Variants in PAN3 observed in about 807,000 individuals in gnomAD.
PAN3 encodes the protein PAN2-PAN3 deadenylation complex subunit PAN3.
A neutral mutation model predicts 96.2 loss-of-function variants in PAN3; 19 were observed. The ratio of observed to expected loss-of-function variants is 0.20; its 90% confidence interval spans 0.14 to 0.29. PAN3 has a LOEUF of 0.29. Ranked by LOEUF, PAN3 falls within the 10% of genes least tolerant of loss-of-function variation. The pLI is 1.00. For synonymous variants in PAN3, 433 were observed against 406.6 expected, an observed-to-expected ratio of 1.06 and a Z score of -0.78; for missense variants, 882 against 1,108.1, an observed-to-expected ratio of 0.80 and a Z score of 2.90.
chr13:28,190,111 T>C (rs1328904597), intron 4 of PAN3, among the ~76,000 whole-genome samples: 1 of 152,034 alleles, frequency 6.6e-6, no homozygotes, highest in Non-Finnish European at 1.5e-5. Context: ...GCCTGGCTAA[T>C]TTTTGTATTT....
chr13:28,248,297 ATC>A (rs1884399086), intron 6 of PAN3, among the ~76,000 whole-genome samples: 1 of 152,118 alleles, frequency 6.6e-6, no homozygotes, highest in African/African-American at 2.4e-5. Context: ...AAGTTTGTTT[ATC>A]ACTTCTGACA....
chr13:28,211,475 T>C (rs892271570), intron 5 of PAN3, among the ~76,000 whole-genome samples: 23 of 152,320 alleles, frequency 1.5e-4, no homozygotes, highest in Middle Eastern at 3.4e-3. Flanking sequence ...GATTTATCTT[T>C]TTAGGAAAGA....
chr13:28,212,609 G>A (rs973193580), intron 5 of PAN3, among the ~76,000 whole-genome samples: 2 of 152,192 alleles, frequency 1.3e-5, no homozygotes, highest in African/African-American at 4.8e-5. Flanking sequence ...TTAGAGGAAA[G>A]ATTAAACATG....
chr13:28,258,730 C>A (rs1310825663), intron 7 of PAN3, among the ~76,000 whole-genome samples: 1 of 152,092 alleles, frequency 6.6e-6, no homozygotes, highest in Non-Finnish European at 1.5e-5. Context: ...GTATAGTTGC[C>A]ATTTAGTATC....
chr13:28,276,078 G>A (rs2138695853), intron 14 of PAN3, among the ~76,000 whole-genome samples: 1 of 152,220 alleles, frequency 6.6e-6, no homozygotes, highest in Non-Finnish European at 1.5e-5. Context: ...CAAACCAGTG[G>A]TTCTCAATCC....
chr13:28,241,983 A>T (rs1883707231), intron 6 of PAN3, among the ~76,000 whole-genome samples: 1 of 152,162 alleles, frequency 6.6e-6, no homozygotes, highest in African/African-American at 2.4e-5. Context: ...ATTATTGAGG[A>T]TTTAGTTTGG....
intron 6 of PAN3, among the ~76,000 whole-genome samples, chr13:28,239,013 A>C (rs935696881): frequency 6.6e-6 from 1 of 152,134 alleles, no homozygotes; most frequent in Non-Finnish European, 1.5e-5. Context: ...TATTTTATTT[A>C]ACAAGTGAAT....
intron 6 of PAN3, among the ~76,000 whole-genome samples, chr13:28,221,871 C>T (rs1320223950): frequency 6.6e-6 from 1 of 152,138 alleles, no homozygotes; most frequent in Non-Finnish European, 1.5e-5. Flanking sequence ...ACATTGTTTA[C>T]ATGAGCATAA....
intron 6 of PAN3, among the ~76,000 whole-genome samples, chr13:28,230,026 A>G (rs867349869): frequency 2.0e-5 from 3 of 151,944 alleles, no homozygotes; most frequent in Non-Finnish European, 4.4e-5. Flanking sequence ...GCTGAGAGCT[A>G]AGAACACAAA....
At chr13:28,158,277 T>TA (rs1194682377) in intron 1 of PAN3, among the ~76,000 whole-genome samples, 1 of 152,150 alleles carries the variant, frequency 6.6e-6, no homozygotes, top group African/African-American at 2.4e-5. Context: ...ATTCTGGACA[T>TA]ACGCCCCAGC....
intron 1 of PAN3, among the ~76,000 whole-genome samples, chr13:28,155,848 T>G (rs552983108): frequency 1.3e-5 from 2 of 152,262 alleles, no homozygotes; most frequent in Admixed American, 1.3e-4. Context: ...GCATTCTAGG[T>G]AGATGAGAAA....
intron 1 of PAN3, among the ~76,000 whole-genome samples, chr13:28,150,961 A>G (rs1034202208): frequency 6.6e-6 from 1 of 152,196 alleles, no homozygotes; most frequent in Non-Finnish European, 1.5e-5. Context: ...ACTAAAAACA[A>G]AAAGGTAATA....
At chr13:28,282,300 T>C (rs1168148784) in intron 17 of PAN3, among the ~76,000 whole-genome samples, 6 of 151,752 alleles carry the variant, frequency 4.0e-5, no homozygotes, top group East Asian at 1.9e-4. Flanking sequence ...GATTTGTTAA[T>C]AGAGATAGGT....
chr13:28,257,094 A>G (rs890528760), intron 7 of PAN3, among the ~76,000 whole-genome samples: 1 of 152,188 alleles, frequency 6.6e-6, no homozygotes, highest in Non-Finnish European at 1.5e-5. Flanking sequence ...AGATGACGAA[A>G]GAGCTACCAA....
At chr13:28,240,578 G>T (rs1480346707) in intron 6 of PAN3, among the ~76,000 whole-genome samples, 2 of 152,104 alleles carry the variant, frequency 1.3e-5, no homozygotes, top group South Asian at 2.1e-4. Flanking sequence ...GATTGATTAG[G>T]CTAGAAGTAC....
At chr13:28,289,284 C>CT (rs757275114) in intron 18 of PAN3, among the ~76,000 whole-genome samples, 39 of 151,316 alleles carry the variant, frequency 2.6e-4, no homozygotes, top group South Asian at 6.3e-4. Flanking sequence ...GTGAGGTGAG[C>CT]TTTTTTTTGG....
chr13:28,250,652 C>T (rs1306013641), intron 6 of PAN3, among the ~76,000 whole-genome samples: 1 of 152,138 alleles, frequency 6.6e-6, no homozygotes, highest in Non-Finnish European at 1.5e-5. Context: ...CAAACATGAG[C>T]CACCGCACCC....
intron 3 of PAN3, among the ~76,000 whole-genome samples, chr13:28,177,322 G>A (rs940238440): frequency 7.2e-5 from 11 of 152,070 alleles, no homozygotes; most frequent in Non-Finnish European, 1.6e-4. Context: ...TATTATTTCT[G>A]TCTTAACTTA....
chr13:28,155,502 T>G (rs1229507131), intron 1 of PAN3, among the ~76,000 whole-genome samples: 2 of 151,982 alleles, frequency 1.3e-5, no homozygotes, highest in East Asian at 3.9e-4. Flanking sequence ...GGAAGGAGAT[T>G]TGCATGACCC....
Sources: gnomAD v4.1 joint callset for allele counts (sites outside exome capture counted in the v4.1 genomes callset) on GRCh38, gnomAD v4.1.1 for gene constraint, MANE v1.5 for transcripts, NCBI Gene and HGNC (gene_info 2026-07-23, HGNC 2026-07-21) for gene names.